The following MYCBP2 variants were observed in gnomAD, a reference collection of about 807,000 sequenced individuals.
MYCBP2 encodes MYC binding protein 2.
A neutral mutation model predicts 525.3 loss-of-function variants in MYCBP2; 120 were observed. That is an observed-to-expected ratio of 0.23 (90% CI 0.20 to 0.27). The LOEUF is 0.27. MYCBP2 is among the 10% of genes least tolerant of loss of function. MYCBP2 has a pLI of 1.00. For synonymous variants in MYCBP2, 1,894 were observed against 1,955.8 expected, an observed-to-expected ratio of 0.97 and a Z score of 0.83; for missense variants, 4,149 against 5,657.1, an observed-to-expected ratio of 0.73 and a Z score of 8.55.
intron 55 of MYCBP2, among the ~76,000 whole-genome samples, chr13:77,106,792 G>A (rs187928572): frequency 1.1e-3 from 161 of 151,646 alleles, no homozygotes; most frequent in Non-Finnish European, 2.0e-3. Context: ...GTGTAGGTTT[G>A]TTACATGGGT....
chr13:77,146,248 T>C (rs1594896821), intron 47 of MYCBP2, 31 bp from the exon 48 acceptor site: 16 of 1,421,220 alleles, frequency 1.1e-5, no homozygotes, highest in Non-Finnish European at 1.5e-5. Flanking sequence ...TGAACAATCG[T>C]AAAATCATTT....
rs115438215 is a variant in MYCBP2, at chr13:77,253,021, A to G, written c.2177-1666T>C. 3.6e-3 allele frequency among the ~76,000 whole-genome samples: 544 copies of G among 152,182 alleles called. 1 individual carries two copies. Among genetic ancestry groups the G allele is most frequent in the African/African-American group, 0.012 (512 of 41,560 alleles). On this transcript the variant is annotated intron_variant, in intron 14 of 82. Transcript: ENST00000544440. ...AAAATAAAATCTCTCACCAGGCTAC[A>G]TTCATCAAAAATTTATAAAGAAAAA... is the stretch of plus-strand genomic sequence containing the variant.
In MYCBP2 at chr13:77,093,244, G is replaced by A. The variant is rs1008984804; in HGVS notation, c.10288C>T (p.Pro3430Ser). 6.2e-7 allele frequency: 1 copy of A among 1,613,240 alleles called. No individual in the cohort carries two copies. The highest frequency in any genetic ancestry group is 8.5e-7 in the Non-Finnish European group (1 of 1,179,510). ...GCATCAGGAGTTACTGATATATACGGGGCAGGTACAGATGTTGAACGTAGA... is the reference window on the plus strand; with the variant it reads ...GCATCAGGAGTTACTGATATATACGAGGCAGGTACAGATGTTGAACGTAGA... Reference protein sequence around the residue: ...RYLRSTSVPAPYISVTPDASP... With the variant: ...RYLRSTSVPASYISVTPDASP... The change falls in exon 59 of 83, where the codon CCG becomes TCG. Residue 3430 changes from proline to serine, a missense_variant. By Grantham distance (74) the Pro-to-Ser change is moderately conservative. Transcript: ENST00000544440.
At chr13:77,093,818 A>C (rs144691865) in intron 58 of MYCBP2, among the ~76,000 whole-genome samples, 1 of 152,296 alleles carries the variant, frequency 6.6e-6, no homozygotes, top group East Asian at 1.9e-4. Context: ...AGGAACATAC[A>C]TAAGATCATA....
rs780573040 is a variant in MYCBP2 at position 77,090,139 on chromosome 13, T to C, written c.10492A>G (p.Ile3498Val). The C allele has an allele frequency of 5.6e-6, 9 of 1,612,102 alleles. 1 individual carries two copies. In the South Asian group the frequency reaches 7.7e-5, roughly 14 times the overall value. Residue 3498 changes from isoleucine (I) to valine (V), a missense_variant, in exon 60 of 83, where the codon ATT (isoleucine) becomes GTT (valine). This residue lies in a region of MYCBP2 where 509 missense variants were observed against 789.4 expected (regional missense o/e 0.64). Transcript: ENST00000544440. ...CCACTGTTAACTCTTCTTCTAGGAA[T>C]AGCTTTAACTCGTGCAGGTAAAATG... The part of the protein sequence containing the change: ...HSILPARVKA[I>V]PRRRVNSGDT...
intron 52 of MYCBP2, among the ~76,000 whole-genome samples, chr13:77,136,000 T>A (rs1174776726): frequency 6.6e-6 from 1 of 152,132 alleles, no homozygotes; most frequent in Non-Finnish European, 1.5e-5. Context: ...CACGCCTGGC[T>A]AATTTTTGTA....
intron 14 of MYCBP2, among the ~76,000 whole-genome samples, chr13:77,255,728 A>G (rs922447673): frequency 6.6e-6 from 1 of 151,944 alleles, no homozygotes; most frequent in South Asian, 2.1e-4. Flanking sequence ...CATTTTAAAT[A>G]CACACACAGA....
intron 3 of MYCBP2, among the ~76,000 whole-genome samples, chr13:77,284,378 G>T (rs9574028): frequency 1.3e-5 from 2 of 151,952 alleles, no homozygotes; most frequent in Admixed American, 6.6e-5. Flanking sequence ...GCACAGAGAA[G>T]GTCAAAGGGA....
At chr13:77,244,022 C>T (rs988335027) in intron 15 of MYCBP2, 71 bp from the exon 16 acceptor site, 25 of 1,404,268 alleles carry the variant, frequency 1.8e-5, no homozygotes, top group Non-Finnish European at 2.2e-5. Context: ...AAACTCTTTT[C>T]TATAACTTAT....
intron 1 of MYCBP2, among the ~76,000 whole-genome samples, chr13:77,314,184 C>T (rs1465573768): frequency 6.6e-6 from 1 of 152,192 alleles, no homozygotes; most frequent in Non-Finnish European, 1.5e-5. Flanking sequence ...AAAACATGTC[C>T]ACTAGATTTA....
chr13:77,063,426 G>C (rs897320268), intron 73 of MYCBP2, among the ~76,000 whole-genome samples: 3 of 152,102 alleles, frequency 2.0e-5, no homozygotes, highest in Middle Eastern at 3.4e-3. Context: ...AGGTGTGGTG[G>C]TATATGCCTG....
chr13:77,089,026 C>A lies in MYCBP2; in HGVS notation c.10531G>T (p.Gly3511Cys). 2 of 1,606,040 alleles carry A rather than the reference C, an allele frequency of 1.2e-6. No homozygotes were observed. The highest frequency in any genetic ancestry group is 1.1e-5 in the South Asian group (1 of 89,234). ...RRVNSGDTEVGSSLLRHPSPE... is the reference protein window; with the variant it reads ...RRVNSGDTEVCSSLLRHPSPE... ...GACGGATGTCTCAAAAGGGAAGAAC[C>A]AACTTCTATTAAAGAAAAAGAAAAT... is the stretch of plus-strand genomic sequence containing the variant. Residue 3511 changes from glycine (G) to cysteine (C), a missense_variant, in exon 61 of 83, where the codon GGT (glycine) becomes TGT (cysteine). Gly to Cys is a radical substitution (Grantham distance 159). Transcript: ENST00000544440.
intron 18 of MYCBP2, among the ~76,000 whole-genome samples, chr13:77,229,686 T>C (rs907261822): frequency 6.6e-6 from 1 of 152,200 alleles, no homozygotes; most frequent in African/African-American, 2.4e-5. Flanking sequence ...AGAATTACTA[T>C]TCTTGTTTTT....
intron 26 of MYCBP2, among the ~76,000 whole-genome samples, chr13:77,194,917 GA>G (rs1263124976): frequency 2.0e-5 from 3 of 151,962 alleles, no homozygotes; most frequent in Non-Finnish European, 4.4e-5. Context: ...AAAAAGAGGG[GA>G]AGATCCTCTG....
intron 58 of MYCBP2, 129 bp from the exon 59 acceptor site, chr13:77,093,461 G>A (rs190466383): frequency 7.5e-5 from 53 of 703,068 alleles, no homozygotes; most frequent in Admixed American, 5.2e-4. Context: ...TAAAATAATC[G>A]TAGATGTAGG....
chr13:77,125,734 C>T (rs1334226954), intron 53 of MYCBP2, among the ~76,000 whole-genome samples: 1 of 152,130 alleles, frequency 6.6e-6, no homozygotes, highest in African/African-American at 2.4e-5. Flanking sequence ...AAGAATTACC[C>T]AAGAACACAT....
rs974970564 is a variant in MYCBP2, at chr13:77,132,980, A to C, written c.7659+6216T>G. Among the ~76,000 whole-genome samples the C allele has an allele frequency of 5.9e-5, 9 of 152,190 alleles. No individual in the cohort carries two copies. In the South Asian group the frequency reaches 8.3e-4, roughly 14 times the overall value. On this transcript the variant is annotated intron_variant, in intron 52 of 82. Coordinates refer to ENST00000544440, the MANE Select transcript of MYCBP2 (RefSeq NM_015057.5). Reference sequence around the variant, plus strand: ...TCAAAGAATAACTCATGTCATCTTCAATACATATGGTATTCATCCTCATTC... The same window carrying C: ...TCAAAGAATAACTCATGTCATCTTCCATACATATGGTATTCATCCTCATTC...
intron 2 of MYCBP2, among the ~76,000 whole-genome samples, 185 bp from the exon 3 acceptor site, chr13:77,288,561 A>C (rs2077132512): frequency 1.3e-5 from 2 of 152,162 alleles, no homozygotes; most frequent in Admixed American, 1.3e-4. Flanking sequence ...CTATTTTTTG[A>C]GCAATGCAGC....
intron 37 of MYCBP2, among the ~76,000 whole-genome samples, chr13:77,172,483 T>C (rs539259418): frequency 1.3e-5 from 2 of 152,306 alleles, no homozygotes; most frequent in South Asian, 4.1e-4. Flanking sequence ...ATCAGATCAC[T>C]CTGGCTGTGC....
Sources: allele counts gnomAD v4.1 joint callset (sites outside exome capture counted in the v4.1 genomes callset), GRCh38; gene constraint gnomAD v4.1.1; regional missense constraint gnomAD v4.1.1; transcripts MANE v1.5; gene names NCBI Gene and HGNC (gene_info 2026-07-23, HGNC 2026-07-21).